SLC25A31: variants seen among roughly 807,000 people sequenced by gnomAD.
SLC25A31 encodes the protein solute carrier family 25 member 31.
SLC25A31 carries 40 observed loss-of-function variants against 36.2 expected under a neutral mutation model. The ratio of observed to expected loss-of-function variants is 1.10; its 90% CI spans 0.86 to 1.44. SLC25A31 has a LOEUF of 1.44. Ranked by LOEUF, SLC25A31 falls within the 40% of genes most tolerant of loss-of-function variation. The probability of loss-of-function intolerance (pLI) is 0.00; values close to 1 mark genes in which losing one functional copy is unlikely to be tolerated. For missense variants in SLC25A31, 350 were observed against 397.1 expected, an observed-to-expected ratio of 0.88 and a Z score of 1.01; for synonymous variants, 143 against 149.7, an observed-to-expected ratio of 0.96 and a Z score of 0.32.
intron 2 of SLC25A31, among the ~76,000 whole-genome samples, chr4:127,746,110 G>C (rs1380391405): frequency 1.3e-5 from 2 of 152,058 alleles, no homozygotes; most frequent in Non-Finnish European, 2.9e-5. Context: ...CTCAAACTCT[G>C]TTCATGTTCC....
Position 127,730,602 on chromosome 4 carries a change from CTTCGGGAAGGACCTTCTGGCCGGCGGAGT to C in SLC25A31, c.58_86del (p.Phe20ArgfsTer75), listed in dbSNP as rs763750702. On this transcript the variant is annotated frameshift_variant, in exon 1 of 6. Coordinates refer to ENST00000281154, the MANE Select transcript of SLC25A31 (RefSeq NM_031291.4). LOFTEE classifies it high-confidence loss of function. ...AAAAGCGGCTGTTTGACGCCTCATC[CTTCGGGAAGGACCTTCTGGCCGGCGGAGT>C]CGCGGCAGCTGTGTCCAAGACAGCG... 1.9e-6 allele frequency: 3 copies of C among 1,613,990 alleles called. No homozygotes were observed. The African/African-American group carries it at 4.0e-5, about 22-fold the overall frequency.
At chr4:127,759,135 G>T (rs1293919256) in intron 2 of SLC25A31, among the ~76,000 whole-genome samples, 1 of 151,188 alleles carries the variant, frequency 6.6e-6, no homozygotes, top group Non-Finnish European at 1.5e-5. Context: ...TTTGTGTCAT[G>T]TATGATTTCT....
intron 1 of SLC25A31, among the ~76,000 whole-genome samples, chr4:127,731,002 A>C (rs544663142): frequency 6.6e-6 from 1 of 152,294 alleles, no homozygotes. Context: ...CGGGGAGACC[A>C]CTGCCTTCTC....
intron 3 of SLC25A31, among the ~76,000 whole-genome samples, chr4:127,764,672 C>G (rs1053279827): frequency 6.6e-6 from 1 of 152,024 alleles, no homozygotes; most frequent in Non-Finnish European, 1.5e-5. Flanking sequence ...AGCTGTGGCT[C>G]CCTTCTAGGT....
intron 2 of SLC25A31, among the ~76,000 whole-genome samples, chr4:127,754,350 T>C (rs1414134902): frequency 6.6e-6 from 1 of 152,054 alleles, no homozygotes; most frequent in African/African-American, 2.4e-5. Flanking sequence ...AGTAATATTG[T>C]CTCTGTTGTC....
At chr4:127,749,714 A>AAAAAAAAAAAAAAAAAAAAAAAAAAAC (rs1731893075) in intron 2 of SLC25A31, among the ~76,000 whole-genome samples, 1 of 151,466 alleles carries the variant, frequency 6.6e-6, no homozygotes, top group African/African-American at 2.4e-5. Context: ...ATCTCAAAAA[A>AAAAAAAAAAAAAAAAAAAAAAAAAAAC]AAAAAAAAAA....
intron 5 of SLC25A31, among the ~76,000 whole-genome samples, chr4:127,772,408 G>A (rs754783624): frequency 2.1e-4 from 32 of 151,958 alleles, no homozygotes; most frequent in Non-Finnish European, 3.7e-4. Flanking sequence ...TTTTGTTACC[G>A]TTGCCATTTC....
chr4:127,766,385 C>G (rs1732244952), intron 3 of SLC25A31, among the ~76,000 whole-genome samples: 1 of 152,060 alleles, frequency 6.6e-6, no homozygotes, highest in South Asian at 2.1e-4. Flanking sequence ...CCAGGCTGGT[C>G]TTGAACTCCT....
At chr4:127,772,679 G>A (rs1036709258) in intron 5 of SLC25A31, among the ~76,000 whole-genome samples, 36 of 151,858 alleles carry the variant, frequency 2.4e-4, no homozygotes, top group African/African-American at 8.4e-4. Flanking sequence ...ACTCGAAGCT[G>A]CATCTTAAAA....
At chr4:127,758,117 G>C (rs1732063297) in intron 2 of SLC25A31, among the ~76,000 whole-genome samples, 1 of 152,134 alleles carries the variant, frequency 6.6e-6, no homozygotes. Flanking sequence ...GCATAGGAAA[G>C]ACTGACCCCC....
intron 4 of SLC25A31, among the ~76,000 whole-genome samples, chr4:127,767,607 T>C (rs556692352): frequency 3.5e-4 from 53 of 152,318 alleles, no homozygotes; most frequent in African/African-American, 1.2e-3. Context: ...AATGTCATTT[T>C]GAGAAGGAGA....
chr4:127,761,664 T>C (rs972162063), intron 2 of SLC25A31, among the ~76,000 whole-genome samples: 1 of 152,238 alleles, frequency 6.6e-6, no homozygotes, highest in Non-Finnish European at 1.5e-5. Context: ...CTTTTTGGCC[T>C]TTCTAAAGGT....
chr4:127,749,030 C>T (rs1365152765), intron 2 of SLC25A31, among the ~76,000 whole-genome samples: 3 of 151,110 alleles, frequency 2.0e-5, no homozygotes, highest in Admixed American at 1.3e-4. Context: ...GAAAACAAAA[C>T]CATACATGAA....
Position 127,730,633 on chromosome 4 carries a change from G to T in SLC25A31, c.88G>T (p.Ala30Ser). ...GAAGGACCTTCTGGCCGGCGGAGTCGCGGCAGCTGTGTCCAAGACAGCGGT... is the reference window on the plus strand; with the variant it reads ...GAAGGACCTTCTGGCCGGCGGAGTCTCGGCAGCTGTGTCCAAGACAGCGGT... ...FGKDLLAGGV[A>S]AAVSKTAVAP... is the part of the protein sequence containing the mutation. Residue 30 changes from alanine (A) to serine (S), a missense_variant, in exon 1 of 6, where the codon GCG becomes TCG. Coordinates refer to ENST00000281154, the MANE Select transcript of SLC25A31 (RefSeq NM_031291.4). 1 of 1,613,976 alleles carries T rather than the reference G, an allele frequency of 6.2e-7. No individual in the cohort carries two copies. Among genetic ancestry groups the T allele is most frequent in the Non-Finnish European group, 8.5e-7 (1 of 1,179,958 alleles).
intron 4 of SLC25A31, among the ~76,000 whole-genome samples, chr4:127,767,689 T>C (rs2148765205): frequency 6.8e-6 from 1 of 146,326 alleles, no homozygotes; most frequent in Admixed American, 6.6e-5. Context: ...TTCTGTGTTG[T>C]ATTCTCCAGG....
At chr4:127,739,318 G>A (rs942647216) in intron 1 of SLC25A31, among the ~76,000 whole-genome samples, 1 of 152,050 alleles carries the variant, frequency 6.6e-6, no homozygotes, top group African/African-American at 2.4e-5. Context: ...GCACTTGCTT[G>A]CCTGGAAAAG....
chr4:127,745,182 T>G (rs1203610310), intron 2 of SLC25A31, among the ~76,000 whole-genome samples: 2 of 152,174 alleles, frequency 1.3e-5, no homozygotes, highest in East Asian at 3.8e-4. Flanking sequence ...CCTGAAGAAG[T>G]AAATTCTTTC....
In SLC25A31 at chr4:127,730,448, A is replaced by G. The variant is rs540596974; in HGVS notation, c.-98A>G. On this transcript the variant is annotated 5_prime_UTR_variant, in exon 1 of 6. Coordinates refer to ENST00000281154, the MANE Select transcript of SLC25A31 (RefSeq NM_031291.4). ...TCCCAAGAGCCACTTTCTCGCCAGT[A>G]CGATGCTGCAGCGGTTTTCCGGTTT... 37 of 1,286,982 alleles carry G rather than the reference A, an allele frequency of 2.9e-5. No individual in the cohort carries two copies. The South Asian group carries it at 3.6e-4, about 13-fold the overall frequency. The allele number at this position is 1,286,982 out of a possible 1,614,324, so 79.7% of individuals were successfully genotyped here. A position where few individuals can be genotyped will look rare whatever the true frequency, so the allele number is the denominator to read the frequency against.
chr4:127,760,967 C>T (rs1732117732), intron 2 of SLC25A31, among the ~76,000 whole-genome samples: 1 of 151,194 alleles, frequency 6.6e-6, no homozygotes, highest in Admixed American at 6.6e-5. Flanking sequence ...TATAGTAATA[C>T]TTTAAATTAC....
Sources: allele counts gnomAD v4.1 joint callset (sites outside exome capture counted in the v4.1 genomes callset), GRCh38; gene constraint gnomAD v4.1.1; transcripts MANE v1.5; gene names NCBI Gene and HGNC (gene_info 2026-07-23, HGNC 2026-07-21).